The following PLCG2 variants were observed in gnomAD, a reference collection of about 807,000 sequenced individuals.
PLCG2 encodes phospholipase C gamma 2.
PLCG2 carries 69 observed loss-of-function variants against 175.6 expected under a neutral mutation model. That is an observed-to-expected ratio of 0.39 (90% CI 0.32 to 0.48). PLCG2 has a LOEUF of 0.48. Among genes scored for constraint, PLCG2 ranks in the 20% least tolerant of loss-of-function variants. The probability of loss-of-function intolerance (pLI) is 0.91; values close to 1 mark genes in which losing one functional copy is unlikely to be tolerated. For missense variants in PLCG2, 1,798 were observed against 1,650.9 expected (o/e 1.09, Z -1.54); for synonymous variants, 827 against 624.0 (o/e 1.33, Z -4.85).
At chr16:81,871,491 A>C (rs962711174) in intron 7 of PLCG2, among the ~76,000 whole-genome samples, 2 of 152,090 alleles carry the variant, frequency 1.3e-5, no homozygotes, top group African/African-American at 4.8e-5. Context: ...GACGTGCGCC[A>C]CCACGCCCAG....
chr16:81,938,092 G>A (rs1292174456), intron 28 of PLCG2, among the ~76,000 whole-genome samples, 189 bp downstream of exon 28: 1 of 152,184 alleles, frequency 6.6e-6, no homozygotes, highest in Non-Finnish European at 1.5e-5. Context: ...TGGGAGAAGA[G>A]GGAAGAGAGG....
At chr16:81,943,662 G>C (rs369139882) in intron 30 of PLCG2, among the ~76,000 whole-genome samples, 114 of 152,254 alleles carry the variant, frequency 7.5e-4, no homozygotes, top group African/African-American at 2.6e-3. Flanking sequence ...ATTTTAACAA[G>C]ATTCACAGGT....
chr16:81,940,463 G>T (rs1396205919), intron 30 of PLCG2, among the ~76,000 whole-genome samples: 1 of 152,094 alleles, frequency 6.6e-6, no homozygotes, highest in East Asian at 1.9e-4. Flanking sequence ...ATCTTGGGGG[G>T]GGAGTAACAA....
At chr16:81,753,345 T>C (rs1355226697) in intron 1 of PLCG2, among the ~76,000 whole-genome samples, 3 of 146,902 alleles carry the variant, frequency 2.0e-5, no homozygotes, top group African/African-American at 7.5e-5. Context: ...CTGGCAGGTT[T>C]TTTTTTTTTT....
At chr16:81,950,713 C>T (rs1026488092) in intron 31 of PLCG2, among the ~76,000 whole-genome samples, 1 of 152,098 alleles carries the variant, frequency 6.6e-6, no homozygotes, top group East Asian at 1.9e-4. Flanking sequence ...GGCAAAATTG[C>T]TCACAATTTG....
intron 2 of PLCG2, among the ~76,000 whole-genome samples, chr16:81,805,282 A>C (rs550089491): frequency 6.6e-6 from 1 of 152,216 alleles, no homozygotes; most frequent in East Asian, 1.9e-4. Flanking sequence ...GATGGATCAC[A>C]AGGTCAGGAG....
At chr16:81,804,427 A>G (rs959413255) in intron 2 of PLCG2, among the ~76,000 whole-genome samples, 2 of 152,182 alleles carry the variant, frequency 1.3e-5, no homozygotes, top group African/African-American at 4.8e-5. Flanking sequence ...GGTGCTGACT[A>G]GGGCGTAAAT....
chr16:81,776,785 T>A (rs979367662), upstream of PLCG2, among the ~76,000 whole-genome samples: 3 of 151,964 alleles, frequency 2.0e-5, no homozygotes, highest in Non-Finnish European at 2.9e-5. Context: ...GAACTCCTGA[T>A]CTCAGGTAAG....
chr16:81,940,475 C>G (rs1442102573), intron 30 of PLCG2, among the ~76,000 whole-genome samples: 1 of 151,996 alleles, frequency 6.6e-6, no homozygotes, highest in African/African-American at 2.4e-5. Context: ...GAGTAACAAT[C>G]TCGAGGGTCC....
At chr16:81,861,541 C>G (rs1906980331) in intron 5 of PLCG2, among the ~76,000 whole-genome samples, 5 of 152,242 alleles carry the variant, frequency 3.3e-5, no homozygotes, top group Admixed American at 3.3e-4. Flanking sequence ...TTCTTCTCAT[C>G]CAAAATGCCC....
At chr16:81,897,007 G>C (rs1436651172) in intron 13 of PLCG2, among the ~76,000 whole-genome samples, 1 of 152,232 alleles carries the variant, frequency 6.6e-6, no homozygotes, top group Non-Finnish European at 1.5e-5. Flanking sequence ...AAATGTTTCA[G>C]GCTTTATGGG....
intron 2 of PLCG2, among the ~76,000 whole-genome samples, chr16:81,823,771 C>G (rs554954017): frequency 2.0e-5 from 3 of 151,800 alleles, no homozygotes; most frequent in East Asian, 3.9e-4. Flanking sequence ...CTCAAGCAAT[C>G]CCCTGACCTC....
At chr16:81,878,968 C>T (rs1354667210) in intron 7 of PLCG2, among the ~76,000 whole-genome samples, 5 of 152,098 alleles carry the variant, frequency 3.3e-5, no homozygotes, top group African/African-American at 1.2e-4. Flanking sequence ...AGCAGAGTGT[C>T]CGGGCAGGGA....
intron 9 of PLCG2, among the ~76,000 whole-genome samples, chr16:81,884,348 C>T (rs1908246778): frequency 1.3e-5 from 2 of 151,552 alleles, no homozygotes; most frequent in Admixed American, 1.3e-4. Context: ...AAGACTCCGT[C>T]TCAGAAAACA....
chr16:81,846,980 A>T (rs551864669), intron 2 of PLCG2, among the ~76,000 whole-genome samples: 2 of 152,134 alleles, frequency 1.3e-5, no homozygotes, highest in African/African-American at 4.8e-5. Context: ...GATACTATCT[A>T]CTTGGAGCTA....
At chr16:81,770,721 A>C (rs188228150) in intron 2 of PLCG2, among the ~76,000 whole-genome samples, 8 of 152,230 alleles carry the variant, frequency 5.3e-5, no homozygotes, top group Admixed American at 2.0e-4. Flanking sequence ...CCCTGTATCA[A>C]AATAATAATA....
chr16:81,840,850 G>A (rs1248727191), intron 2 of PLCG2, among the ~76,000 whole-genome samples: 1 of 152,178 alleles, frequency 6.6e-6, no homozygotes, highest in African/African-American at 2.4e-5. Context: ...GGTCCCTTGG[G>A]GGTGGATCCA....
intron 2 of PLCG2, among the ~76,000 whole-genome samples, chr16:81,796,805 C>T (rs1911488072): frequency 6.6e-6 from 1 of 152,142 alleles, no homozygotes; most frequent in South Asian, 2.1e-4. Context: ...ACCAGCCTCG[C>T]CAACACTTTG....
intron 31 of PLCG2, among the ~76,000 whole-genome samples, chr16:81,950,832 A>G (rs4888197): frequency 0.13 from 20,268 of 152,250 alleles, 1,411 homozygotes; most frequent in Admixed American, 0.19. Flanking sequence ...AAAACTTCAC[A>G]AAGAATGAAG....
Sources: allele counts gnomAD v4.1 joint callset (sites outside exome capture counted in the v4.1 genomes callset), GRCh38; gene constraint gnomAD v4.1.1; transcripts MANE v1.5; gene names NCBI Gene and HGNC (gene_info 2026-07-23, HGNC 2026-07-21).